The following CIMIP4 variants were observed in gnomAD, a reference collection of about 807,000 sequenced individuals.
The protein encoded by CIMIP4 is protein EAN57.
the CIMIP4 span, among the ~76,000 whole-genome samples, chr22:36,997,720 C>T: frequency 4.6e-5 from 7 of 152,342 alleles, no homozygotes; most frequent in African/African-American, 1.7e-4. Flanking sequence ...GGCCATTCTC[C>T]TGCTTAAAAT....
the CIMIP4 span, among the ~76,000 whole-genome samples, chr22:37,000,736 C>T: frequency 3.3e-5 from 5 of 152,226 alleles, no homozygotes; most frequent in African/African-American, 7.2e-5. Context: ...CCAGGGACAA[C>T]GGTGGCTGAA....
At chr22:36,992,997 T>C in the CIMIP4 span, among the ~76,000 whole-genome samples, 1 of 149,600 alleles carries the variant, frequency 6.7e-6, no homozygotes, top group Admixed American at 6.8e-5. Flanking sequence ...TAATTAAAGT[T>C]AATTAAAGTT....
chr22:37,004,338 C>T, the CIMIP4 span, among the ~76,000 whole-genome samples: 1 of 151,844 alleles, frequency 6.6e-6, no homozygotes, highest in Non-Finnish European at 1.5e-5. Flanking sequence ...GAACCCTGGG[C>T]TCATTTTACT....
At chr22:36,999,008 A>G in the CIMIP4 span, among the ~76,000 whole-genome samples, 1 of 152,062 alleles carries the variant, frequency 6.6e-6, no homozygotes, top group African/African-American at 2.4e-5. Context: ...GATCCCACCT[A>G]AGGTCATACC....
At chr22:37,007,615 G>C in the CIMIP4 span, 1 of 152,254 alleles carries the variant, frequency 6.6e-6, no homozygotes, top group African/African-American at 2.4e-5. Flanking sequence ...AAGAGGGCGG[G>C]AAGGTAAGTC....
the CIMIP4 span, among the ~76,000 whole-genome samples, chr22:36,994,877 G>T: frequency 6.6e-6 from 1 of 150,420 alleles, no homozygotes; most frequent in African/African-American, 2.4e-5. Context: ...TGATCCACCC[G>T]CCTCGGCCTC....
chr22:37,002,200 C>T, the CIMIP4 span: 1 of 1,481,132 alleles, frequency 6.8e-7, no homozygotes, highest in Non-Finnish European at 9.0e-7. Flanking sequence ...GACCCTGGTT[C>T]TTGAACTTGG....
the CIMIP4 span, among the ~76,000 whole-genome samples, chr22:37,000,501 G>A: frequency 2.0e-5 from 3 of 152,314 alleles, no homozygotes; most frequent in South Asian, 4.1e-4. Context: ...CCCAGGTCCA[G>A]GGGCAGGACA....
the CIMIP4 span, chr22:36,999,729 G>A: frequency 7.4e-7 from 1 of 1,360,480 alleles, no homozygotes; most frequent in East Asian, 2.4e-5. Context: ...CCTTGAAGAT[G>A]TGCCCTGGGG....
At chr22:36,991,533 C>G in the CIMIP4 span, 58 of 1,614,060 alleles carry the variant, frequency 3.6e-5, no homozygotes, top group Non-Finnish European at 4.8e-5. Context: ...TCACTGATTT[C>G]TCAATGACCT....
chr22:36,994,877 G>A, the CIMIP4 span, among the ~76,000 whole-genome samples: 9 of 150,540 alleles, frequency 6.0e-5, no homozygotes, highest in Admixed American at 1.3e-4. Context: ...TGATCCACCC[G>A]CCTCGGCCTC....
chr22:37,001,759 C>T, the CIMIP4 span: 1 of 1,372,524 alleles, frequency 7.3e-7, no homozygotes, highest in Non-Finnish European at 9.7e-7. Flanking sequence ...ATTATAGGGA[C>T]TCTGTACTCA....
At chr22:37,000,631 C>G in the CIMIP4 span, among the ~76,000 whole-genome samples, 13 of 152,310 alleles carry the variant, frequency 8.5e-5, no homozygotes, top group East Asian at 2.3e-3. Flanking sequence ...ACTGGATGGT[C>G]TTTGAAGTGG....
At chr22:36,993,585 C>A in the CIMIP4 span, among the ~76,000 whole-genome samples, 1 of 151,554 alleles carries the variant, frequency 6.6e-6, no homozygotes, top group African/African-American at 2.4e-5. Context: ...AAAAATTAGC[C>A]GGGCGTTGTG....
the CIMIP4 span, among the ~76,000 whole-genome samples, chr22:37,004,343 T>C: frequency 6.6e-6 from 1 of 151,984 alleles, no homozygotes; most frequent in Non-Finnish European, 1.5e-5. Context: ...CTGGGCTCAT[T>C]TTACTCCTTC....
the CIMIP4 span, among the ~76,000 whole-genome samples, chr22:36,992,931 A>G: frequency 6.7e-6 from 1 of 150,186 alleles, no homozygotes. Context: ...TATATATAAT[A>G]CATATATAAA....
At chr22:37,004,296 C>T in the CIMIP4 span, among the ~76,000 whole-genome samples, 1 of 152,096 alleles carries the variant, frequency 6.6e-6, no homozygotes. Context: ...CCCACCCCAC[C>T]AGTCCTCAAA....
chr22:36,991,297 G>GC, the CIMIP4 span: 1 of 1,613,052 alleles, frequency 6.2e-7, no homozygotes, highest in South Asian at 1.1e-5. Context: ...CAGGAGAAGA[G>GC]CCAGCACAGA....
At chr22:36,999,466 A>C in the CIMIP4 span, among the ~76,000 whole-genome samples, 1 of 141,638 alleles carries the variant, frequency 7.1e-6, no homozygotes, top group Non-Finnish European at 1.5e-5. Context: ...ACTGCACCCC[A>C]GCCTGGGCAA....
Sources: allele counts gnomAD v4.1 joint callset (sites outside exome capture counted in the v4.1 genomes callset), GRCh38; gene constraint gnomAD v4.1.1; transcripts MANE v1.5; gene names NCBI Gene and HGNC (gene_info 2026-07-23, HGNC 2026-07-21).